RAD51B: variants seen among roughly 807,000 people sequenced by gnomAD.
RAD51B encodes the protein DNA repair protein RAD51 homolog 2.
A neutral mutation model predicts 42.2 loss-of-function variants in RAD51B; 38 were observed. The ratio of observed to expected loss-of-function variants is 0.90; its 90% CI spans 0.70 to 1.18. The LOEUF is 1.18. RAD51B is among the 50% of genes most tolerant of loss of function. RAD51B has a pLI of 0.00. For synonymous variants in RAD51B, 154 were observed against 145.2 expected (o/e 1.06, Z -0.43); for missense variants, 373 against 400.7 (o/e 0.93, Z 0.59).
At chr14:68,274,965 T>C (rs1196933637) in intron 7 of RAD51B, among the ~76,000 whole-genome samples, 2 of 152,238 alleles carry the variant, frequency 1.3e-5, no homozygotes, top group African/African-American at 4.8e-5. Flanking sequence ...AAGGCAATAA[T>C]GTCTGACTAT....
chr14:67,970,657 C>T (rs2074878380), intron 7 of RAD51B, among the ~76,000 whole-genome samples: 1 of 152,070 alleles, frequency 6.6e-6, no homozygotes, highest in Non-Finnish European at 1.5e-5. Context: ...GTTAGATTCT[C>T]ATTCTAAATT....
chr14:68,460,249 C>T (rs747427912), intron 9 of RAD51B, among the ~76,000 whole-genome samples: 5 of 151,848 alleles, frequency 3.3e-5, no homozygotes, highest in Admixed American at 6.6e-5. Flanking sequence ...GTCAGGAGTT[C>T]GAGACCAGCC....
At chr14:68,084,800 C>T (rs2076960808) in intron 7 of RAD51B, among the ~76,000 whole-genome samples, 1 of 152,076 alleles carries the variant, frequency 6.6e-6, no homozygotes, top group South Asian at 2.1e-4. Context: ...ATATGCCTGC[C>T]TCAATACTGA....
At chr14:68,616,649 T>C (rs1051316256) in intron 10 of RAD51B, among the ~76,000 whole-genome samples, 19 of 152,276 alleles carry the variant, frequency 1.2e-4, no homozygotes, top group Non-Finnish European at 2.2e-4. Flanking sequence ...ATTTGGAAAA[T>C]TTTCAGCCTT....
rs562067443 is a variant in RAD51B at position 68,331,334 on chromosome 14, C to G, written c.853+39354C>G. ...AATGAGCCAAGATCATGCCACTGCACTCCAGCCTGGGCTACAGAACGAGAC... is the reference window on the plus strand; with the variant it reads ...AATGAGCCAAGATCATGCCACTGCAGTCCAGCCTGGGCTACAGAACGAGAC... On this transcript the variant is annotated intron_variant, in intron 8 of 10. Coordinates refer to ENST00000471583, the MANE Select transcript of RAD51B (RefSeq NM_133510.4). 6.4e-3 allele frequency among the ~76,000 whole-genome samples: 733 copies of G among 114,384 alleles called. 8 individuals carry two copies. Among genetic ancestry groups the G allele is most frequent in the African/African-American group, 0.02 (652 of 32,936 alleles). 75.0% of individuals were successfully genotyped at this position (114,384 alleles called of 152,430 possible). A position where few individuals can be genotyped will look rare whatever the true frequency, so the allele number is the denominator to read the frequency against.
At chr14:68,315,722 C>T (rs1487404502) in intron 8 of RAD51B, among the ~76,000 whole-genome samples, 1 of 152,154 alleles carries the variant, frequency 6.6e-6, no homozygotes, top group East Asian at 1.9e-4. Flanking sequence ...CAGGGTTTCA[C>T]CATGTTAGCC....
At chr14:68,600,954 G>A (rs916516835), downstream of RAD51B, among the ~76,000 whole-genome samples, 1 of 151,874 alleles carries the variant, frequency 6.6e-6, no homozygotes, top group African/African-American at 2.4e-5. Context: ...CAGCTCTAGA[G>A]AATTCTTGTG....
chr14:68,526,988 G>A (rs1186921029), intron 10 of RAD51B, among the ~76,000 whole-genome samples: 4 of 152,194 alleles, frequency 2.6e-5, no homozygotes, highest in Admixed American at 6.5e-5. Context: ...GACTCTTAGC[G>A]GCTGCTTGGG....
chr14:68,650,309 C>T (rs987694395), intron 10 of RAD51B, among the ~76,000 whole-genome samples: 1 of 152,218 alleles, frequency 6.6e-6, no homozygotes, highest in Admixed American at 6.5e-5. Flanking sequence ...CTACATGTGA[C>T]TCTTCTGCTC....
intron 7 of RAD51B, among the ~76,000 whole-genome samples, chr14:68,147,610 A>G (rs1318084363): frequency 2.6e-5 from 4 of 152,244 alleles, no homozygotes; most frequent in African/African-American, 7.2e-5. Flanking sequence ...ATAATGCCCA[A>G]TTGTATCCCC....
intron 7 of RAD51B, among the ~76,000 whole-genome samples, chr14:68,024,021 G>A (rs1274491222): frequency 1.3e-5 from 2 of 152,144 alleles, no homozygotes; most frequent in Non-Finnish European, 2.9e-5. Context: ...GTTAATTTTT[G>A]TATATGGGGA....
intron 7 of RAD51B, among the ~76,000 whole-genome samples, chr14:67,934,197 A>G (rs1030019052): frequency 2.0e-5 from 3 of 152,224 alleles, no homozygotes; most frequent in African/African-American, 7.2e-5. Context: ...TAATTAGAAA[A>G]CTGTGAATAC....
chr14:68,131,562 G>A (rs1290834001), intron 7 of RAD51B, among the ~76,000 whole-genome samples: 1 of 152,116 alleles, frequency 6.6e-6, no homozygotes, highest in Non-Finnish European at 1.5e-5. Context: ...CAGGCGTGGT[G>A]TCATGCGTCT....
In RAD51B at chr14:67,825,760, C is replaced by T. The variant is rs527788417; in HGVS notation, c.198+183C>T. Among the ~76,000 whole-genome samples, 13 of 151,898 alleles carry T rather than the reference C, an allele frequency of 8.6e-5. 1 individual carries two copies. Among genetic ancestry groups the T allele is most frequent in the South Asian group, 6.2e-4 (3 of 4,808 alleles). ...AAAATTTTTTTTTTCTTTTTTGAGACGCTCTGTTGCCCAGGCTGGAGGGCA... is the reference window on the plus strand; with the variant it reads ...AAAATTTTTTTTTTCTTTTTTGAGATGCTCTGTTGCCCAGGCTGGAGGGCA... On this transcript the variant is annotated intron_variant, in intron 3 of 10. Transcript: ENST00000471583.
At chr14:68,444,070 T>C (rs950437440) in intron 9 of RAD51B, among the ~76,000 whole-genome samples, 11 of 152,216 alleles carry the variant, frequency 7.2e-5, no homozygotes, top group African/African-American at 2.7e-4. Context: ...GCCTTCATGA[T>C]TCTATCTCTT....
At chr14:67,980,086 A>G (rs2075063210) in intron 7 of RAD51B, among the ~76,000 whole-genome samples, 1 of 152,200 alleles carries the variant, frequency 6.6e-6, no homozygotes, top group Non-Finnish European at 1.5e-5. Context: ...TGCAGTTATA[A>G]ATAAAAATTC....
At chr14:67,966,934 A>C (rs939671507) in intron 7 of RAD51B, among the ~76,000 whole-genome samples, 1 of 152,156 alleles carries the variant, frequency 6.6e-6, no homozygotes, top group South Asian at 2.1e-4. Flanking sequence ...GAAGAGAAAA[A>C]AATTTTAGTA....
intron 8 of RAD51B, among the ~76,000 whole-genome samples, chr14:68,374,116 TCA>T (rs1483954306): frequency 2.0e-5 from 3 of 152,208 alleles, no homozygotes; most frequent in Non-Finnish European, 4.4e-5. Context: ...TTGCCCAATA[TCA>T]CACAACTCCC....
chr14:68,238,790 G>A (rs918328556), intron 7 of RAD51B, among the ~76,000 whole-genome samples: 4 of 152,168 alleles, frequency 2.6e-5, no homozygotes, highest in Non-Finnish European at 4.4e-5. Context: ...ATGTGATACT[G>A]GTTAACAATT....
Sources: gnomAD v4.1 joint callset for allele counts (sites outside exome capture counted in the v4.1 genomes callset) on GRCh38, gnomAD v4.1.1 for gene constraint, MANE v1.5 for transcripts, NCBI Gene and HGNC (gene_info 2026-07-23, HGNC 2026-07-21) for gene names.